The following ANKRD46 variants were observed in gnomAD, a reference collection of about 807,000 sequenced individuals.
The protein encoded by ANKRD46 is ankyrin repeat domain 46.
ANKRD46 carries 13 observed loss-of-function variants against 19.8 expected under a neutral mutation model. The ratio of observed to expected loss-of-function variants is 0.66; its 90% CI spans 0.43 to 1.04. The LOEUF (loss-of-function observed/expected upper bound fraction) is 1.04. ANKRD46 is among the 50% of genes least tolerant of loss of function. The pLI, the probability that ANKRD46 is intolerant of heterozygous loss-of-function variation, is 0.00. For missense variants in ANKRD46, 185 were observed against 274.8 expected (o/e 0.67, Z 2.31); for synonymous variants, 91 against 106.9 (o/e 0.85, Z 0.92).
chr8:100,536,074 G>C lies in ANKRD46; in HGVS notation c.-130-2763C>G, dbSNP rs1372094293. On this transcript the variant is annotated intron_variant, in intron 1 of 4. Coordinates refer to ENST00000335659, the MANE Select transcript of ANKRD46 (RefSeq NM_001270377.2). The surrounding 1 kb of genome is among the most constrained non-coding windows in gnomAD (Gnocchi z 4.9). ...GAAGAACCTGTAGGACCAAGCATTT[G>C]CAAGGGCACAGGTGGATGTACTGGC... Among the ~76,000 whole-genome samples, 1 of 152,142 alleles carries C rather than the reference G, an allele frequency of 6.6e-6. No individual in the cohort carries two copies. The highest frequency in any genetic ancestry group is 1.5e-5 in the Non-Finnish European group (1 of 68,032).
rs914489284 is a variant in ANKRD46 at position 100,544,329 on chromosome 8, C to A, written c.-130-11018G>T. Among the ~76,000 whole-genome samples, 1 of 152,082 alleles carries A rather than the reference C, an allele frequency of 6.6e-6. No individual in the cohort carries two copies. Among genetic ancestry groups the A allele is most frequent in the African/African-American group, 2.4e-5 (1 of 41,392 alleles). ...AAGAAGCAAGGACAAAGAACATAAG[C>A]CTAAAGTTGGGGAGGGGCCTAGCAA... On this transcript the variant is annotated intron_variant, in intron 1 of 4. Coordinates refer to ENST00000335659, the MANE Select transcript of ANKRD46 (RefSeq NM_001270377.2). The surrounding 1 kb of genome is among the most constrained non-coding windows in gnomAD (Gnocchi z 4.4).
chr8:100,550,240 T>G lies in ANKRD46; in HGVS notation c.-131+9471A>C, dbSNP rs1812356591. On this transcript the variant is annotated intron_variant, in intron 1 of 4. Coordinates refer to ENST00000335659, the MANE Select transcript of ANKRD46 (RefSeq NM_001270377.2). This position sits in a 1 kb window ranked among gnomAD's most constrained non-coding sequence, Gnocchi z 4.4. Reference sequence around the variant, plus strand: ...TTAGTTTTTTTAAGAAACCACCAAATTGTCTCCCAAAGTAGCTGTACCATT... The same window carrying G: ...TTAGTTTTTTTAAGAAACCACCAAAGTGTCTCCCAAAGTAGCTGTACCATT... 6.6e-6 allele frequency among the ~76,000 whole-genome samples: 1 copy of G among 152,186 alleles called. No individual in the cohort carries two copies.
chr8:100,522,063 C>A lies in ANKRD46; in HGVS notation c.*492G>T, dbSNP rs1434360735. 1.1e-5 allele frequency: 11 copies of A among 986,444 alleles called. No homozygotes were observed. Among genetic ancestry groups the A allele is most frequent in the Admixed American group, 6.0e-5 (1 of 16,650 alleles). 61.1% of individuals were successfully genotyped at this position (986,444 alleles called of 1,614,324 possible). On this transcript the variant is annotated 3_prime_UTR_variant, in exon 5 of 5. Transcript: ENST00000335659. ...GATGCTAACAATACTAATTTGCACA[C>A]AAGATTTGAAAAAAGTACTTCAAGT...
chr8:100,511,974 G>A lies in ANKRD46; in HGVS notation c.637-1335C>T, dbSNP rs1204609674. On this transcript the variant is annotated intron_variant, in intron 5 of 5. Coordinates refer to the ANKRD46 transcript ENST00000520552. The surrounding 1 kb of genome is among the most constrained non-coding windows in gnomAD (Gnocchi z 4.1). Reference sequence around the variant, plus strand: ...CAGGTGGCGGAGGCTGCGGTGAGCCGAGATTGTGCCACTGCACTTCAGCCT... The same window carrying A: ...CAGGTGGCGGAGGCTGCGGTGAGCCAAGATTGTGCCACTGCACTTCAGCCT... Among the ~76,000 whole-genome samples, 4 of 152,162 alleles carry A rather than the reference G, an allele frequency of 2.6e-5. No individual in the cohort carries two copies. The highest frequency in any genetic ancestry group is 4.8e-5 in the African/African-American group (2 of 41,432).
Position 100,557,155 on chromosome 8 carries a change from T to A in ANKRD46, c.-131+2556A>T, listed in dbSNP as rs186752034. On this transcript the variant is annotated intron_variant, in intron 1 of 4. Coordinates refer to ENST00000335659, the MANE Select transcript of ANKRD46 (RefSeq NM_001270377.2). The surrounding 1 kb of genome is among the most constrained non-coding windows in gnomAD (Gnocchi z 5.9). ...TGACTTCCCAAATTTCTATTTCCAG[T>A]TGGACCTTTCTCTTCAACTCCCGTC... Among the ~76,000 whole-genome samples the A allele has an allele frequency of 1.3e-5, 2 of 152,324 alleles. No homozygotes were observed. The highest frequency in any genetic ancestry group is 3.9e-4 in the East Asian group (2 of 5,186).
chr8:100,519,586 A>G (rs147811013), downstream of ANKRD46, among the ~76,000 whole-genome samples: 1,871 of 152,374 alleles, frequency 0.012, 22 homozygotes, highest in Non-Finnish European at 0.019. Flanking sequence ...ACTTTGATAC[A>G]TGCATAAACA....
intron 1 of ANKRD46, among the ~76,000 whole-genome samples, chr8:100,558,151 A>G (rs1812537535): frequency 6.6e-6 from 1 of 152,230 alleles, no homozygotes; most frequent in African/African-American, 2.4e-5. Flanking sequence ...GAAGTTTGGG[A>G]CTATAAAGCC....
chr8:100,521,605 TAA>T lies in ANKRD46; in HGVS notation c.*948_*949del. On this transcript the variant is annotated 3_prime_UTR_variant, in exon 5 of 5. Coordinates refer to ENST00000335659, the MANE Select transcript of ANKRD46 (RefSeq NM_001270377.2). Reference sequence around the variant, plus strand: ...GAATTACAGATATGGATGGGATTGTTAAAAGTCTAACAGGGCCTCCAAATAGG... The same window carrying T: ...GAATTACAGATATGGATGGGATTGTTAAGTCTAACAGGGCCTCCAAATAGG... The T allele has an allele frequency of 1.0e-6, 1 of 985,476 alleles. No individual in the cohort carries two copies. Among genetic ancestry groups the T allele is most frequent in the Non-Finnish European group, 1.2e-6 (1 of 829,936 alleles). 61.0% of individuals were successfully genotyped at this position (985,476 alleles called of 1,614,324 possible).
chr8:100,516,388 G>A (rs932397624), downstream of ANKRD46, among the ~76,000 whole-genome samples: 3 of 152,158 alleles, frequency 2.0e-5, no homozygotes, highest in Admixed American at 1.3e-4. Context: ...AGGCAACAAA[G>A]TATTGTTTCA....
chr8:100,526,590 C>G (rs1811846868), intron 4 of ANKRD46, among the ~76,000 whole-genome samples: 1 of 152,142 alleles, frequency 6.6e-6, no homozygotes, highest in Non-Finnish European at 1.5e-5. Flanking sequence ...AGTGATCACT[C>G]AAGAGGAGTA....
intron 1 of ANKRD46, among the ~76,000 whole-genome samples, chr8:100,558,266 C>T (rs754981591): frequency 2.4e-4 from 37 of 152,130 alleles, no homozygotes; most frequent in Non-Finnish European, 4.3e-4. Context: ...CCAAAAATTC[C>T]TTATCACTTC....
At chr8:100,528,649 A>T (rs559862353) in intron 3 of ANKRD46, among the ~76,000 whole-genome samples, 5 of 151,978 alleles carry the variant, frequency 3.3e-5, no homozygotes, top group Non-Finnish European at 4.4e-5. Context: ...TTTTTAAAAA[A>T]GTCTAAGAAA....
In ANKRD46 at chr8:100,527,973, C is replaced by G. The variant is rs1350604874; in HGVS notation, c.342G>C (p.Leu114=). The G allele has an allele frequency of 5.4e-5, 86 of 1,584,606 alleles. 1 individual carries two copies. Among genetic ancestry groups the G allele is most frequent in the Non-Finnish European group, 7.2e-5 (84 of 1,167,924 alleles). ...CNHQGATPLV[L]AKRRGVNKDV... ...CTTTATTTACTCCTCTGCGCTTTGC[C>G]AGAACTAAAGGGGTAGCACCTTGAT... Residue 114 remains leucine, a synonymous_variant, in exon 4 of 5, where the codon CTG becomes CTC. Transcript: ENST00000335659. This position sits in a 1 kb window ranked among gnomAD's most constrained non-coding sequence, Gnocchi z 4.0.
intron 5 of ANKRD46, among the ~76,000 whole-genome samples, chr8:100,512,156 G>GA (rs1433928387): frequency 1.3e-5 from 2 of 152,210 alleles, no homozygotes; most frequent in Non-Finnish European, 2.9e-5. Flanking sequence ...TTATTTAACA[G>GA]AAACTGCATT....
intron 5 of ANKRD46, among the ~76,000 whole-genome samples, chr8:100,512,708 T>A (rs1383015654): frequency 1.3e-5 from 2 of 152,110 alleles, no homozygotes; most frequent in Non-Finnish European, 2.9e-5. Context: ...GTTCTGAGAG[T>A]AGTTCTATTA....
At chr8:100,522,797 G>C (rs776008084) in intron 4 of ANKRD46, 26 bp from the exon 5 acceptor site, 25 of 1,572,768 alleles carry the variant, frequency 1.6e-5, no homozygotes, top group Non-Finnish European at 2.1e-5. Flanking sequence ...GAGCAAAAAG[G>C]GCATTAAAAA....
At chr8:100,523,132 A>G (rs1019010902) in intron 4 of ANKRD46, among the ~76,000 whole-genome samples, 2 of 149,838 alleles carry the variant, frequency 1.3e-5, no homozygotes, top group Non-Finnish European at 3.0e-5. Flanking sequence ...GTTCGGGACC[A>G]GCCTGGGTAA....
At position 100,544,534 on chromosome 8, in the gene ANKRD46, C is replaced by A. The variant is rs2130691435; in HGVS notation, c.-130-11223G>T. 6.6e-6 allele frequency among the ~76,000 whole-genome samples: 1 copy of A among 152,296 alleles called. No homozygotes were observed. Among genetic ancestry groups the A allele is most frequent in the South Asian group, 2.1e-4 (1 of 4,820 alleles). ...CGAAGGCAGACTTCCAGACTTGAAT[C>A]AAGAGATCCATGATCTGTGAATTTA... On this transcript the variant is annotated intron_variant, in intron 1 of 4. Coordinates refer to ENST00000335659, the MANE Select transcript of ANKRD46 (RefSeq NM_001270377.2). The surrounding 1 kb of genome is among the most constrained non-coding windows in gnomAD (Gnocchi z 4.4).
downstream of ANKRD46, chr8:100,520,741 T>TAA (rs5893523): frequency 0.29 from 206,266 of 710,382 alleles, 10,924 homozygotes; most frequent in Admixed American, 0.37. Flanking sequence ...TATAATACAC[T>TAA]AAAAAAAAAA....
Sources: allele counts gnomAD v4.1 joint callset (sites outside exome capture counted in the v4.1 genomes callset), GRCh38; gene constraint gnomAD v4.1.1; non-coding constraint Gnocchi (gnomAD v3.1); transcripts MANE v1.5; gene names NCBI Gene and HGNC (gene_info 2026-07-23, HGNC 2026-07-21).